Variants in WWOX observed in about 807,000 individuals in gnomAD.
The protein encoded by WWOX is WW domain-containing oxidoreductase.
A neutral mutation model predicts 46.2 loss-of-function variants in WWOX; 69 were observed. That is an observed-to-expected ratio of 1.49 (90% confidence interval 1.23 to 1.82). WWOX has a LOEUF of 1.82. WWOX is among the 40% of genes most tolerant of loss of function. WWOX has a pLI of 0.00. For synonymous variants in WWOX, 359 were observed against 202.6 expected (o/e 1.77, Z -6.56); for missense variants, 919 against 542.6 (o/e 1.69, Z -6.89).
intron 8 of WWOX, among the ~76,000 whole-genome samples, chr16:78,784,178 G>A (rs1271750465): frequency 1.3e-5 from 2 of 151,978 alleles, no homozygotes; most frequent in African/African-American, 2.4e-5. Context: ...CCCATGTAAC[G>A]TGCACATCAT....
intron 8 of WWOX, among the ~76,000 whole-genome samples, chr16:78,517,750 G>C (rs2043267519): frequency 1.3e-5 from 2 of 151,420 alleles, no homozygotes; most frequent in Admixed American, 1.3e-4. Flanking sequence ...GTCACGTTAT[G>C]GAGCTGTTTA....
Position 78,809,778 on chromosome 16 carries a change from G to A in WWOX, c.1056+377026G>A, listed in dbSNP as rs114278194. On this transcript the variant is annotated intron_variant, in intron 8 of 8. Coordinates refer to ENST00000566780, the MANE Select transcript of WWOX (RefSeq NM_016373.4). ...TTAGCTGGGACAGGAAGAAGGAAGG[G>A]GAGGATAGCGGTGTGTTCAGTGTGT... 5.8e-3 allele frequency among the ~76,000 whole-genome samples: 876 copies of A among 152,256 alleles called. 5 individuals are homozygous for A. Among genetic ancestry groups the A allele is most frequent in the African/African-American group, 0.02 (835 of 41,532 alleles).
At chr16:79,186,495 A>G (rs912508003) in intron 8 of WWOX, among the ~76,000 whole-genome samples, 4 of 152,162 alleles carry the variant, frequency 2.6e-5, no homozygotes, top group Non-Finnish European at 5.9e-5. Flanking sequence ...CTTTGTTATC[A>G]GGACACTGGT....
intron 5 of WWOX, among the ~76,000 whole-genome samples, chr16:78,250,447 C>T (rs1169017361): frequency 6.6e-6 from 1 of 152,076 alleles, no homozygotes; most frequent in Non-Finnish European, 1.5e-5. Flanking sequence ...TGAGATCTTC[C>T]ATTTGACATG....
chr16:78,815,128 C>T (rs1215703255), intron 8 of WWOX, among the ~76,000 whole-genome samples: 1 of 152,152 alleles, frequency 6.6e-6, no homozygotes, highest in Non-Finnish European at 1.5e-5. Flanking sequence ...AGTTTGAAAC[C>T]AGCCTGGCCA....
chr16:78,554,053 C>G (rs1325030866), intron 8 of WWOX, among the ~76,000 whole-genome samples: 2 of 152,108 alleles, frequency 1.3e-5, no homozygotes, highest in Non-Finnish European at 2.9e-5. Context: ...AGTTGTTCCA[C>G]AGATACTTTG....
chr16:78,575,066 T>TATATATATAA (rs2044839174), intron 8 of WWOX, among the ~76,000 whole-genome samples: 1 of 24,174 alleles, frequency 4.1e-5, no homozygotes, highest in Non-Finnish European at 8.0e-5. Flanking sequence ...TATATATATA[T>TATATATATAA]ATATATATAT....
chr16:78,355,610 A>G (rs1319584700), intron 5 of WWOX: 2 of 558,798 alleles, frequency 3.6e-6, no homozygotes, highest in Non-Finnish European at 7.0e-6. Flanking sequence ...AGAGGAGCGA[A>G]TTTGTGTGAA....
chr16:78,489,401 G>T (rs58449052), intron 8 of WWOX, among the ~76,000 whole-genome samples: 6,177 of 152,150 alleles, frequency 0.041, 270 homozygotes, highest in African/African-American at 0.11. Flanking sequence ...AGCTCTCACT[G>T]TGAACCTGCT....
intron 8 of WWOX, among the ~76,000 whole-genome samples, chr16:78,924,141 A>G (rs2151273306): frequency 6.6e-6 from 1 of 152,182 alleles, no homozygotes; most frequent in Non-Finnish European, 1.5e-5. Flanking sequence ...ATCCATAGAC[A>G]AGGCTCTGGT....
chr16:78,822,108 A>G (rs948553212), intron 8 of WWOX, among the ~76,000 whole-genome samples: 1 of 152,166 alleles, frequency 6.6e-6, no homozygotes, highest in African/African-American at 2.4e-5. Flanking sequence ...ACTCCTGGCT[A>G]CAAGTGATCC....
At chr16:78,484,290 GA>G (rs2084573647) in intron 8 of WWOX, among the ~76,000 whole-genome samples, 1 of 152,100 alleles carries the variant, frequency 6.6e-6, no homozygotes, top group South Asian at 2.1e-4. Flanking sequence ...CTTAAAAATT[GA>G]AATTGTAGAT....
chr16:78,351,275 C>A (rs576438285), intron 5 of WWOX, among the ~76,000 whole-genome samples: 186 of 152,354 alleles, frequency 1.2e-3, no homozygotes, highest in African/African-American at 4.2e-3. Context: ...TAGTCCATAT[C>A]ACTTTTCCTT....
intron 8 of WWOX, among the ~76,000 whole-genome samples, chr16:78,593,076 C>T (rs796782835): frequency 7.9e-5 from 12 of 152,254 alleles, no homozygotes; most frequent in African/African-American, 2.9e-4. Context: ...AGCTCTTTAG[C>T]CAAGGAAGAA....
chr16:78,504,417 C>T (rs543444576), intron 8 of WWOX, among the ~76,000 whole-genome samples: 2 of 152,314 alleles, frequency 1.3e-5, no homozygotes, highest in South Asian at 4.1e-4. Flanking sequence ...AGCTTGATCT[C>T]TCAGAATGCG....
chr16:78,825,959 G>T, intron 8 of WWOX: 1 of 790,960 alleles, frequency 1.3e-6, no homozygotes, highest in Non-Finnish European at 2.0e-6. Flanking sequence ...ACAGAAGGGT[G>T]GGAAGCCAGA....
chr16:79,165,729 G>C (rs374391571), intron 8 of WWOX, among the ~76,000 whole-genome samples: 2 of 152,144 alleles, frequency 1.3e-5, no homozygotes, highest in African/African-American at 4.8e-5. Context: ...TACTCTGTCA[G>C]GGTGAAAAGC....
chr16:78,780,479 T>C (rs1192908718), intron 8 of WWOX: 1 of 152,202 alleles, frequency 6.6e-6, no homozygotes, highest in African/African-American at 2.4e-5. Context: ...TTAACAGGAC[T>C]TCCGTGATGC....
intron 8 of WWOX, among the ~76,000 whole-genome samples, chr16:78,500,619 C>T (rs1282853338): frequency 1.3e-5 from 2 of 152,148 alleles, no homozygotes; most frequent in East Asian, 1.9e-4. Flanking sequence ...GTAGATGACT[C>T]ATTACAATTT....
Sources: allele counts gnomAD v4.1 joint callset (sites outside exome capture counted in the v4.1 genomes callset), GRCh38; gene constraint gnomAD v4.1.1; transcripts MANE v1.5; gene names NCBI Gene and HGNC (gene_info 2026-07-23, HGNC 2026-07-21).